The following CHMP4B variants were observed in gnomAD, a reference collection of about 807,000 sequenced individuals.
CHMP4B encodes SNF7 homolog associated with Alix 1.
Under a neutral mutation model 25.1 loss-of-function variants are expected in CHMP4B, and 1 was observed. That is an observed-to-expected ratio of 0.04 (90% CI 0.01 to 0.19). The LOEUF is 0.19. Ranked by LOEUF, CHMP4B falls within the 10% of genes least tolerant of loss-of-function variation. The pLI, the probability that CHMP4B is intolerant of heterozygous loss-of-function variation, is 1.00. For synonymous variants in CHMP4B, 101 were observed against 115.6 expected, an observed-to-expected ratio of 0.87 and a Z score of 0.81; for missense variants, 151 against 289.7, an observed-to-expected ratio of 0.52 and a Z score of 3.48.
At chr20:33,834,364 G>A (rs1321038462) in intron 1 of CHMP4B, among the ~76,000 whole-genome samples, 1 of 152,062 alleles carries the variant, frequency 6.6e-6, no homozygotes, top group Non-Finnish European at 1.5e-5. Flanking sequence ...AGGCTGGAGT[G>A]CAGTGGCACA....
chr20:33,811,510 G>A lies in CHMP4B; in HGVS notation c.42G>A (p.Lys14=). The part of the protein sequence containing the change: ...FGKLFGAGGG[K]AGKGGPTPQE... ...AGCTGTTCGGGGCTGGAGGGGGTAA[G>A]GCCGGCAAGGGCGGCCCGACCCCCC... The change falls in exon 1 of 5, where the codon AAG becomes AAA. Residue 14 remains lysine (K), a synonymous_variant. Transcript: ENST00000217402. 1 of 1,600,344 alleles carries A rather than the reference G, an allele frequency of 6.2e-7. No individual in the cohort carries two copies. Among genetic ancestry groups the A allele is most frequent in the South Asian group, 1.1e-5 (1 of 89,354 alleles).
intron 1 of CHMP4B, among the ~76,000 whole-genome samples, chr20:33,832,196 G>A (rs1207937501): frequency 6.6e-6 from 1 of 152,120 alleles, no homozygotes; most frequent in Non-Finnish European, 1.5e-5. Context: ...TCTCATGCTT[G>A]CTCAGGCAGA....
chr20:33,813,948 G>A (rs906535066), intron 1 of CHMP4B, among the ~76,000 whole-genome samples: 1 of 152,192 alleles, frequency 6.6e-6, no homozygotes, highest in African/African-American at 2.4e-5. Flanking sequence ...GGTCAGGCTG[G>A]TCTTGAACAC....
At chr20:33,848,747 C>A in intron 2 of CHMP4B, 103 bp downstream of exon 2, 1 of 1,211,246 alleles carries the variant, frequency 8.3e-7, no homozygotes, top group Non-Finnish European at 1.2e-6. Context: ...CTTACCTATT[C>A]GAGCACCTGA....
intron 1 of CHMP4B, 77 bp downstream of exon 1, chr20:33,811,735 A>G (rs900328912): frequency 6.9e-7 from 1 of 1,457,274 alleles, no homozygotes; most frequent in Non-Finnish European, 9.5e-7. Flanking sequence ...CCTTCATCAG[A>G]CTCGCCTCGG....
At chr20:33,815,991 T>C (rs556945584) in intron 1 of CHMP4B, among the ~76,000 whole-genome samples, 2 of 152,304 alleles carry the variant, frequency 1.3e-5, no homozygotes, top group East Asian at 3.9e-4. Flanking sequence ...ATGTAGATGC[T>C]ATCTTTGAGG....
intron 1 of CHMP4B, among the ~76,000 whole-genome samples, chr20:33,818,899 G>C (rs1480212059): frequency 6.6e-6 from 1 of 152,024 alleles, no homozygotes; most frequent in Admixed American, 6.6e-5. Flanking sequence ...CTGTTCACCA[G>C]TGTTGCTCTT....
At chr20:33,821,435 A>T (rs1313853825) in intron 1 of CHMP4B, among the ~76,000 whole-genome samples, 1 of 151,994 alleles carries the variant, frequency 6.6e-6, no homozygotes, top group Admixed American at 6.6e-5. Flanking sequence ...ATAATATCTA[A>T]TAGTTGTATA....
intron 1 of CHMP4B, among the ~76,000 whole-genome samples, chr20:33,839,140 G>T (rs1158289720): frequency 6.6e-6 from 1 of 152,198 alleles, no homozygotes; most frequent in Non-Finnish European, 1.5e-5. Context: ...AAGTGGGCAA[G>T]TGACAGAGGT....
chr20:33,831,571 G>A (rs1233369419), intron 1 of CHMP4B, among the ~76,000 whole-genome samples: 1 of 151,436 alleles, frequency 6.6e-6, no homozygotes, highest in African/African-American at 2.4e-5. Context: ...ATGAGGTTTC[G>A]CTATGTTGCC....
intron 1 of CHMP4B, among the ~76,000 whole-genome samples, chr20:33,827,581 C>T (rs1263674928): frequency 2.0e-5 from 3 of 152,248 alleles, no homozygotes; most frequent in Non-Finnish European, 2.9e-5. Context: ...CTCCCCTGAT[C>T]CTGCATCCAG....
intron 1 of CHMP4B, among the ~76,000 whole-genome samples, chr20:33,828,750 TG>T (rs1268301767): frequency 6.6e-6 from 1 of 151,976 alleles, no homozygotes; most frequent in Admixed American, 6.6e-5. Flanking sequence ...TAATTTTTGG[TG>T]CTTCTTGTCT....
intron 1 of CHMP4B, among the ~76,000 whole-genome samples, chr20:33,815,541 G>A (rs759286716): frequency 3.3e-5 from 5 of 152,128 alleles, no homozygotes; most frequent in Non-Finnish European, 5.9e-5. Context: ...GAGAAGGAGC[G>A]TGTACTTGAT....
chr20:33,838,171 T>C (rs1442279090), intron 1 of CHMP4B, among the ~76,000 whole-genome samples: 1 of 152,242 alleles, frequency 6.6e-6, no homozygotes, highest in Non-Finnish European at 1.5e-5. Flanking sequence ...TTTGTTACTT[T>C]GAGGAGGTTG....
At chr20:33,849,014 C>A (rs970274852) in intron 2 of CHMP4B, among the ~76,000 whole-genome samples, 1 of 152,174 alleles carries the variant, frequency 6.6e-6, no homozygotes, top group African/African-American at 2.4e-5. Flanking sequence ...GGATTAGAAT[C>A]GGTGCCCATG....
intron 1 of CHMP4B, among the ~76,000 whole-genome samples, chr20:33,831,794 TC>T (rs1226398491): frequency 6.6e-6 from 1 of 152,166 alleles, no homozygotes; most frequent in Non-Finnish European, 1.5e-5. Context: ...GCAGGGAAGA[TC>T]GGATAACAAA....
At chr20:33,838,988 T>G (rs1979462397) in intron 1 of CHMP4B, among the ~76,000 whole-genome samples, 2 of 152,132 alleles carry the variant, frequency 1.3e-5, no homozygotes. Context: ...TCTGGAATAA[T>G]CTGCTGCTTA....
chr20:33,830,610 C>T (rs925946777), intron 1 of CHMP4B, among the ~76,000 whole-genome samples: 3 of 151,996 alleles, frequency 2.0e-5, no homozygotes, highest in East Asian at 1.9e-4. Flanking sequence ...AGAGCGGGGG[C>T]GTCTCTCTTC....
At chr20:33,824,952 T>C (rs888164192) in intron 1 of CHMP4B, among the ~76,000 whole-genome samples, 1 of 151,794 alleles carries the variant, frequency 6.6e-6, no homozygotes, top group Non-Finnish European at 1.5e-5. Context: ...GATAAGGGGG[T>C]CATAAAGAGC....
Sources: allele counts gnomAD v4.1 joint callset (sites outside exome capture counted in the v4.1 genomes callset), GRCh38; gene constraint gnomAD v4.1.1; transcripts MANE v1.5; gene names NCBI Gene and HGNC (gene_info 2026-07-23, HGNC 2026-07-21).